The following CNBD1 variants were observed in gnomAD, a reference collection of about 807,000 sequenced individuals.
CNBD1 encodes the protein cyclic nucleotide-binding domain-containing protein 1.
CNBD1 carries 71 observed loss-of-function variants against 54.4 expected under a neutral mutation model. The ratio of observed to expected loss-of-function variants is 1.30; its 90% confidence interval spans 1.08 to 1.59. CNBD1 has a LOEUF of 1.59. Among genes scored for constraint, CNBD1 ranks in the 40% most tolerant of loss-of-function variants. CNBD1 has a pLI of 0.00. For synonymous variants in CNBD1, 182 were observed against 170.7 expected (o/e 1.07, Z -0.51); for missense variants, 659 against 518.0 (o/e 1.27, Z -2.64).
Position 86,874,218 on chromosome 8 carries a change from C to G in CNBD1, c.88+7635C>G, listed in dbSNP as rs755871032. Among the ~76,000 whole-genome samples the G allele has an allele frequency of 4.9e-4, 74 of 152,282 alleles. 1 individual carries two copies. Among genetic ancestry groups the G allele is most frequent in the Middle Eastern group, 3.4e-3 (1 of 294 alleles). ...TTAGGATCTTGCTGTCTTGTCTCTT[C>G]AATTCTTTCAGTCTGGAATAGTTTC... is the stretch of plus-strand genomic sequence containing the variant. On this transcript the variant is annotated intron_variant, in intron 1 of 10. Transcript: ENST00000518476.
intron 4 of CNBD1, among the ~76,000 whole-genome samples, chr8:87,147,704 A>G (rs1253709707): frequency 6.6e-6 from 1 of 151,996 alleles, no homozygotes; most frequent in Non-Finnish European, 1.5e-5. Context: ...GATTTAGCCT[A>G]TTTTTTTAGT....
intron 10 of CNBD1, among the ~76,000 whole-genome samples, chr8:87,366,570 G>A (rs757743057): frequency 3.3e-5 from 5 of 152,038 alleles, no homozygotes; most frequent in Non-Finnish European, 5.9e-5. Flanking sequence ...AGGTTAACTC[G>A]TTAGTATCCT....
At chr8:87,178,968 C>T (rs768213314) in intron 4 of CNBD1, among the ~76,000 whole-genome samples, 3 of 152,142 alleles carry the variant, frequency 2.0e-5, no homozygotes, top group Non-Finnish European at 4.4e-5. Flanking sequence ...AGTGCAATGA[C>T]GTGATCTCGG....
chr8:86,951,581 CAAAAAAAAAAAAAAAAAAAAAAAAAA>C (rs71275901), intron 4 of CNBD1, among the ~76,000 whole-genome samples: 1 of 37,360 alleles, frequency 2.7e-5, no homozygotes, highest in South Asian at 1.3e-3. Flanking sequence ...CTCCGTCTCA[CAAAAAAAAAAAAAAAAAAAAAAAAAA>C]AAAAAAAAAA....
intron 8 of CNBD1, among the ~76,000 whole-genome samples, chr8:87,299,593 G>A (rs1190970462): frequency 6.6e-6 from 1 of 152,162 alleles, no homozygotes; most frequent in Non-Finnish European, 1.5e-5. Context: ...AATGGATTTT[G>A]GATTGTTAAT....
At chr8:87,345,351 T>A (rs1268090735) in intron 8 of CNBD1, among the ~76,000 whole-genome samples, 2 of 152,192 alleles carry the variant, frequency 1.3e-5, no homozygotes, top group Non-Finnish European at 2.9e-5. Flanking sequence ...TCCCTTTTAA[T>A]GTTTCTACTT....
At chr8:86,894,223 G>A (rs1464041884) in intron 2 of CNBD1, among the ~76,000 whole-genome samples, 6 of 148,870 alleles carry the variant, frequency 4.0e-5, no homozygotes, top group Middle Eastern at 3.4e-3. Context: ...CACCGCGCCC[G>A]GCTAATTTTT....
chr8:87,106,846 T>G (rs1187150360), intron 4 of CNBD1, among the ~76,000 whole-genome samples: 1 of 152,172 alleles, frequency 6.6e-6, no homozygotes, highest in Non-Finnish European at 1.5e-5. Context: ...ATTTTTTATT[T>G]TGAGACCAGG....
chr8:86,888,372 C>T (rs1160747714), intron 2 of CNBD1, among the ~76,000 whole-genome samples: 4 of 151,982 alleles, frequency 2.6e-5, no homozygotes, highest in African/African-American at 9.7e-5. Context: ...GATCATTTTC[C>T]CCTGTGCATT....
chr8:87,199,005 C>T (rs1047367886), intron 4 of CNBD1, among the ~76,000 whole-genome samples: 2 of 152,036 alleles, frequency 1.3e-5, no homozygotes, highest in Non-Finnish European at 2.9e-5. Flanking sequence ...CAGGAGCAAG[C>T]GAAAATGTAG....
Position 87,345,496 on chromosome 8 carries a change from A to G in CNBD1, c.1043-6189A>G, listed in dbSNP as rs148493272. Among the ~76,000 whole-genome samples the G allele has an allele frequency of 1.4e-3, 218 of 152,266 alleles. 1 individual carries two copies. Among genetic ancestry groups the G allele is most frequent in the African/African-American group, 4.7e-3 (195 of 41,556 alleles). ...ATTTTGACTGTGGTGTCTAAATGCA[A>G]TTGACTTTGGGTCAATTGTCAGTCT... On this transcript the variant is annotated intron_variant, in intron 8 of 10. Coordinates refer to ENST00000518476, the MANE Select transcript of CNBD1 (RefSeq NM_173538.3).
chr8:87,250,558 A>T (rs1405557943), intron 6 of CNBD1, among the ~76,000 whole-genome samples: 1 of 152,226 alleles, frequency 6.6e-6, no homozygotes, highest in Non-Finnish European at 1.5e-5. Flanking sequence ...AATAGCCAAG[A>T]TATGGGAGCA....
chr8:87,308,270 A>G (rs1809197558), intron 8 of CNBD1, among the ~76,000 whole-genome samples: 1 of 152,090 alleles, frequency 6.6e-6, no homozygotes, highest in Non-Finnish European at 1.5e-5. Flanking sequence ...TCCTTTTTGG[A>G]ACCCTGGACT....
At chr8:87,237,178 C>A in intron 6 of CNBD1, 66 bp downstream of exon 6, 1 of 929,152 alleles carries the variant, frequency 1.1e-6, no homozygotes, top group Non-Finnish European at 1.6e-6. Flanking sequence ...AACTTTATCT[C>A]TTCCAGACAT....
intron 4 of CNBD1, among the ~76,000 whole-genome samples, chr8:87,002,787 T>G (rs747322734): frequency 6.6e-6 from 1 of 152,200 alleles, no homozygotes; most frequent in Non-Finnish European, 1.5e-5. Flanking sequence ...GTAATTTATT[T>G]GATTATGTTT....
chr8:86,927,158 GC>G (rs1367932571), intron 3 of CNBD1, among the ~76,000 whole-genome samples: 1 of 152,166 alleles, frequency 6.6e-6, no homozygotes, highest in African/African-American at 2.4e-5. Flanking sequence ...TAGAGTACTT[GC>G]CAAGGTAGCT....
At chr8:87,206,735 G>A (rs1813984048) in intron 5 of CNBD1, among the ~76,000 whole-genome samples, 1 of 152,036 alleles carries the variant, frequency 6.6e-6, no homozygotes, top group Non-Finnish European at 1.5e-5. Flanking sequence ...TAATTACGGG[G>A]GCTAGGCATA....
At chr8:87,212,236 A>T (rs112788076) in intron 5 of CNBD1, among the ~76,000 whole-genome samples, 3 of 152,168 alleles carry the variant, frequency 2.0e-5, no homozygotes, top group Non-Finnish European at 4.4e-5. Flanking sequence ...AAGTAATCCA[A>T]TATTCATTGA....
At chr8:87,418,912 C>A (rs1807880058) in intron 2 of CNBD1, among the ~76,000 whole-genome samples, 1 of 151,774 alleles carries the variant, frequency 6.6e-6, no homozygotes, top group African/African-American at 2.4e-5. Context: ...AAAAAGCAAA[C>A]CATTGACTTT....
Sources: gnomAD v4.1 joint callset for allele counts (sites outside exome capture counted in the v4.1 genomes callset) on GRCh38, gnomAD v4.1.1 for gene constraint, MANE v1.5 for transcripts, NCBI Gene and HGNC (gene_info 2026-07-23, HGNC 2026-07-21) for gene names.